CSMD3: variants seen among roughly 807,000 people sequenced by gnomAD.
The protein encoded by CSMD3 is CUB and sushi domain-containing protein 3.
Under a neutral mutation model 435.2 loss-of-function variants are expected in CSMD3, and 177 were observed. The ratio of observed to expected loss-of-function variants is 0.41; its 90% CI spans 0.36 to 0.46. The LOEUF is 0.46. CSMD3 is among the 20% of genes least tolerant of loss of function. CSMD3 has a pLI of 0.34. For missense variants in CSMD3, 4,265 were observed against 4,504.6 expected (o/e 0.95, Z 1.52); for synonymous variants, 1,656 against 1,520.5 (o/e 1.09, Z -2.07).
intron 23 of CSMD3, among the ~76,000 whole-genome samples, chr8:112,581,605 T>A (rs1177042418): frequency 6.6e-6 from 1 of 152,084 alleles, no homozygotes; most frequent in Admixed American, 6.6e-5. Flanking sequence ...AATTATATAG[T>A]AAATTTGTCC....
At chr8:113,269,416 A>G (rs2093500249) in intron 3 of CSMD3, among the ~76,000 whole-genome samples, 1 of 152,188 alleles carries the variant, frequency 6.6e-6, no homozygotes, top group African/African-American at 2.4e-5. Context: ...CGCCATCCCC[A>G]TCAAGCTACC....
At chr8:112,370,189 T>C (rs1828255323) in intron 38 of CSMD3, among the ~76,000 whole-genome samples, 1 of 152,164 alleles carries the variant, frequency 6.6e-6, no homozygotes, top group Non-Finnish European at 1.5e-5. Context: ...AACATAATCA[T>C]TGTTTTGTTT....
At chr8:113,133,922 C>T (rs1222619760) in intron 4 of CSMD3, among the ~76,000 whole-genome samples, 1 of 151,944 alleles carries the variant, frequency 6.6e-6, no homozygotes, top group Non-Finnish European at 1.5e-5. Context: ...AGTTGTTTAA[C>T]AGGTATAGAG....
intron 17 of CSMD3, among the ~76,000 whole-genome samples, chr8:112,656,684 G>T (rs2131664214): frequency 6.6e-6 from 1 of 151,904 alleles, no homozygotes; most frequent in East Asian, 1.9e-4. Context: ...AAAAATATGT[G>T]GTTTACATTT....
chr8:112,375,012 A>G (rs1828811869), intron 38 of CSMD3, among the ~76,000 whole-genome samples: 1 of 152,186 alleles, frequency 6.6e-6, no homozygotes. Context: ...CTGGACCATT[A>G]GGAGAGTTGG....
chr8:112,406,253 T>C (rs987075418), intron 35 of CSMD3, among the ~76,000 whole-genome samples: 5 of 152,086 alleles, frequency 3.3e-5, no homozygotes, highest in Non-Finnish European at 4.4e-5. Context: ...CCTGGAAATA[T>C]ATATATTTAC....
intron 3 of CSMD3, among the ~76,000 whole-genome samples, chr8:113,182,115 T>C (rs2092429582): frequency 6.6e-6 from 1 of 152,004 alleles, no homozygotes; most frequent in African/African-American, 2.4e-5. Flanking sequence ...TTCTATCTTG[T>C]TGAAACATAA....
intron 9 of CSMD3, among the ~76,000 whole-genome samples, chr8:112,922,471 AT>A (rs2082774053): frequency 6.6e-6 from 1 of 151,402 alleles, no homozygotes; most frequent in Non-Finnish European, 1.5e-5. Flanking sequence ...CATTCTTTCT[AT>A]TTCTTTTTTT....
intron 27 of CSMD3, among the ~76,000 whole-genome samples, chr8:112,533,246 CA>C (rs1209189394): frequency 6.6e-6 from 1 of 151,600 alleles, no homozygotes; most frequent in Admixed American, 6.6e-5. Flanking sequence ...AAAAAAGTAA[CA>C]AAATGACATT....
chr8:112,366,710 T>C (rs1246906872), intron 38 of CSMD3, among the ~76,000 whole-genome samples: 5 of 152,162 alleles, frequency 3.3e-5, no homozygotes, highest in African/African-American at 1.2e-4. Context: ...GCATTCACCT[T>C]ATAGTCCTGA....
At chr8:113,264,953 C>T (rs2093457517) in intron 3 of CSMD3, among the ~76,000 whole-genome samples, 1 of 151,440 alleles carries the variant, frequency 6.6e-6, no homozygotes, top group East Asian at 1.9e-4. Context: ...TTATTAAGTG[C>T]TTGGAACATG....
chr8:112,700,143 T>C (rs186158970), intron 13 of CSMD3, among the ~76,000 whole-genome samples: 1 of 152,330 alleles, frequency 6.6e-6, no homozygotes, highest in Admixed American at 6.5e-5. Context: ...TGTTTGCAAC[T>C]TGTTCTCAAA....
At chr8:113,260,377 T>C (rs1022434764) in intron 3 of CSMD3, among the ~76,000 whole-genome samples, 2 of 152,146 alleles carry the variant, frequency 1.3e-5, no homozygotes, top group Non-Finnish European at 2.9e-5. Context: ...TTCATAAATA[T>C]AACAAATTCC....
At chr8:112,905,325 C>T (rs1023840986) in intron 10 of CSMD3, among the ~76,000 whole-genome samples, 45 of 144,358 alleles carry the variant, frequency 3.1e-4, no homozygotes, top group African/African-American at 1.2e-3. Flanking sequence ...TATATATACA[C>T]ACACACACAC....
At chr8:113,357,629 G>A (rs1467892855) in intron 1 of CSMD3, among the ~76,000 whole-genome samples, 1 of 152,100 alleles carries the variant, frequency 6.6e-6, no homozygotes, top group Non-Finnish European at 1.5e-5. Context: ...GTATGATATG[G>A]TTTGGCTTGT....
intron 36 of CSMD3, among the ~76,000 whole-genome samples, chr8:112,384,672 T>C (rs959650473): frequency 2.0e-5 from 3 of 152,262 alleles, no homozygotes; most frequent in African/African-American, 7.2e-5. Flanking sequence ...ATCATTATTC[T>C]TCCATGCAAG....
At chr8:112,790,518 A>T (rs1398615716) in intron 13 of CSMD3, among the ~76,000 whole-genome samples, 1 of 152,098 alleles carries the variant, frequency 6.6e-6, no homozygotes, top group Non-Finnish European at 1.5e-5. Context: ...CACTTTGTAC[A>T]ACTTTGCATA....
intron 16 of CSMD3, among the ~76,000 whole-genome samples, chr8:112,675,959 G>A (rs1309843757): frequency 6.6e-6 from 1 of 152,048 alleles, no homozygotes; most frequent in Admixed American, 6.6e-5. Context: ...TTTTTCTGAT[G>A]CATTATCTAT....
At chr8:112,614,718 C>A (rs1833530864) in intron 22 of CSMD3, among the ~76,000 whole-genome samples, 1 of 151,948 alleles carries the variant, frequency 6.6e-6, no homozygotes, top group Non-Finnish European at 1.5e-5. Flanking sequence ...AAGAACTATA[C>A]AAAGTTAGAT....
Sources: allele counts gnomAD v4.1 joint callset (sites outside exome capture counted in the v4.1 genomes callset), GRCh38; gene constraint gnomAD v4.1.1; transcripts MANE v1.5; gene names NCBI Gene and HGNC (gene_info 2026-07-23, HGNC 2026-07-21).